Variants in OPCML observed in about 807,000 individuals in gnomAD.
The protein encoded by OPCML is opioid-binding protein/cell adhesion molecule.
OPCML carries 13 observed loss-of-function variants against 37.8 expected under a neutral mutation model. That is an observed-to-expected ratio of 0.34 (90% CI 0.22 to 0.55). The LOEUF (loss-of-function observed/expected upper bound fraction) is 0.55, where lower values mean the gene tolerates loss of function less well. Among genes scored for constraint, OPCML ranks in the 20% least tolerant of loss-of-function variants. The pLI is 0.91. For synonymous variants in OPCML, 176 were observed against 168.8 expected, an observed-to-expected ratio of 1.04 and a Z score of -0.33; for missense variants, 341 against 435.6, an observed-to-expected ratio of 0.78 and a Z score of 1.93.
chr11:132,892,620 A>T (rs1943694534), intron 2 of OPCML, among the ~76,000 whole-genome samples: 1 of 152,132 alleles, frequency 6.6e-6, no homozygotes, highest in Non-Finnish European at 1.5e-5. Context: ...TACAAAAATT[A>T]GCTGGGCCTG....
chr11:132,820,660 A>C (rs1939926619), intron 2 of OPCML, among the ~76,000 whole-genome samples: 1 of 152,152 alleles, frequency 6.6e-6, no homozygotes, highest in African/African-American at 2.4e-5. Context: ...TAAAGACAGA[A>C]TTTCCAGAAA....
intron 4 of OPCML, among the ~76,000 whole-genome samples, chr11:132,472,855 T>A (rs977265823): frequency 3.3e-5 from 5 of 152,208 alleles, no homozygotes; most frequent in Admixed American, 2.0e-4. Flanking sequence ...TGCGCTGACA[T>A]CTCAGTTTCA....
chr11:132,978,161 G>C (rs1389513319), intron 1 of OPCML, among the ~76,000 whole-genome samples: 4 of 152,170 alleles, frequency 2.6e-5, no homozygotes, highest in Admixed American at 1.3e-4. Flanking sequence ...TCACAGCACA[G>C]GTGATACAAA....
intron 1 of OPCML, among the ~76,000 whole-genome samples, chr11:133,020,019 A>G (rs1213185433): frequency 6.6e-6 from 1 of 152,214 alleles, no homozygotes; most frequent in African/African-American, 2.4e-5. Flanking sequence ...GTTCTCATTA[A>G]GGAGATCAAT....
chr11:133,302,079 A>C (rs1018219843), intron 1 of OPCML: 4 of 152,214 alleles, frequency 2.6e-5, no homozygotes, highest in Non-Finnish European at 5.9e-5. Flanking sequence ...TTCTGACTAT[A>C]AGTGTCAGAA....
At chr11:132,684,712 A>G (rs1943095332) in intron 2 of OPCML, among the ~76,000 whole-genome samples, 1 of 152,230 alleles carries the variant, frequency 6.6e-6, no homozygotes, top group Non-Finnish European at 1.5e-5. Context: ...TCAGCAGTGA[A>G]AAATGGACAA....
At chr11:132,483,556 GA>G in intron 4 of OPCML, among the ~76,000 whole-genome samples, 1 of 152,078 alleles carries the variant, frequency 6.6e-6, no homozygotes, top group Non-Finnish European at 1.5e-5. Context: ...CACAGAATTG[GA>G]AAAAACTACT....
In OPCML at chr11:133,152,577, C is replaced by CG. The variant is rs546627664; in HGVS notation, c.62-209568_62-209567insC. On this transcript the variant is annotated intron_variant, in intron 1 of 7. Transcript: ENST00000524381. The stretch of plus-strand genomic sequence containing the variant: ...TAACCCCTTCCCTCCTGATCCCCCC[C>CG]CAACCTCCACAGACTGGTCTGTTTT... 4.4e-4 allele frequency among the ~76,000 whole-genome samples: 67 copies of CG among 152,026 alleles called. 1 individual carries two copies. Among genetic ancestry groups the CG allele is most frequent in the South Asian group, 4.0e-3 (19 of 4,804 alleles).
chr11:133,342,527 G>A (rs909508555), intron 1 of OPCML, among the ~76,000 whole-genome samples: 5 of 152,176 alleles, frequency 3.3e-5, no homozygotes, highest in East Asian at 1.9e-4. Flanking sequence ...TCTCCCTGCC[G>A]CCTACTGATG....
chr11:132,612,772 A>G (rs565079478), intron 3 of OPCML, among the ~76,000 whole-genome samples: 1 of 152,302 alleles, frequency 6.6e-6, no homozygotes, highest in South Asian at 2.1e-4. Context: ...TCACAGCCAG[A>G]GCAAACGTGC....
intron 3 of OPCML, among the ~76,000 whole-genome samples, chr11:132,555,186 G>A (rs1371304208): frequency 6.6e-6 from 1 of 152,062 alleles, no homozygotes; most frequent in Non-Finnish European, 1.5e-5. Flanking sequence ...GATTAAGGGT[G>A]TATTCATCTG....
At chr11:132,789,736 C>G (rs1487303260) in intron 2 of OPCML, among the ~76,000 whole-genome samples, 1 of 152,060 alleles carries the variant, frequency 6.6e-6, no homozygotes, top group Admixed American at 6.6e-5. Context: ...AAAAGAAAAC[C>G]TAAGATTATC....
intron 1 of OPCML, among the ~76,000 whole-genome samples, chr11:133,068,324 A>G (rs1250862334): frequency 6.6e-6 from 1 of 152,166 alleles, no homozygotes. Flanking sequence ...TTTTTCCTTA[A>G]TAGATCAGAA....
intron 1 of OPCML, among the ~76,000 whole-genome samples, chr11:133,333,559 A>G (rs193266068): frequency 2.6e-5 from 4 of 152,372 alleles, no homozygotes; most frequent in Admixed American, 1.3e-4. Flanking sequence ...AACTTAGGCA[A>G]TGCCATCCTA....
At chr11:133,137,654 G>A (rs1032533503) in intron 1 of OPCML, among the ~76,000 whole-genome samples, 6 of 152,146 alleles carry the variant, frequency 3.9e-5, no homozygotes, top group East Asian at 1.9e-4. Context: ...TATCAAGGTC[G>A]CCTGAGACAG....
chr11:133,408,002 C>A (rs187251981), intron 1 of OPCML, among the ~76,000 whole-genome samples: 94 of 152,280 alleles, frequency 6.2e-4, no homozygotes, highest in Middle Eastern at 3.4e-3. Context: ...AATTTGCCGT[C>A]CTAGAATGTG....
intron 2 of OPCML, among the ~76,000 whole-genome samples, chr11:132,854,147 C>T (rs1941942706): frequency 6.6e-6 from 1 of 152,164 alleles, no homozygotes; most frequent in East Asian, 1.9e-4. Context: ...GAACCCAAGG[C>T]ACCACTTTAC....
At chr11:133,136,035 C>T (rs188245528) in intron 1 of OPCML, among the ~76,000 whole-genome samples, 5 of 152,270 alleles carry the variant, frequency 3.3e-5, no homozygotes, top group Admixed American at 1.3e-4. Context: ...GTTCTTCACC[C>T]ATATTTATTC....
intron 1 of OPCML, among the ~76,000 whole-genome samples, chr11:133,052,630 G>A (rs1948152260): frequency 6.6e-6 from 1 of 152,314 alleles, no homozygotes; most frequent in Middle Eastern, 3.4e-3. Flanking sequence ...TGGCTCTGGA[G>A]CCAGGCATGT....
Sources: gnomAD v4.1 joint callset for allele counts (sites outside exome capture counted in the v4.1 genomes callset) on GRCh38, gnomAD v4.1.1 for gene constraint, MANE v1.5 for transcripts, NCBI Gene and HGNC (gene_info 2026-07-23, HGNC 2026-07-21) for gene names.